The following TBC1D4 variants were observed in gnomAD, a reference collection of about 807,000 sequenced individuals.
The protein encoded by TBC1D4 is TBC1 domain family member 4, also known as TBC (Tre-2, BUB2, CDC16) domain-containing protein.
In TBC1D4, 121 loss-of-function variants were observed where a neutral mutation model predicts 142.5. The ratio of observed to expected loss-of-function variants is 0.85; its 90% CI spans 0.73 to 0.99. The LOEUF is 0.99. Among genes scored for constraint, TBC1D4 ranks in the 50% least tolerant of loss-of-function variants. The pLI is 0.00. For missense variants in TBC1D4, 1,475 were observed against 1,606.6 expected (o/e 0.92, Z 1.40); for synonymous variants, 630 against 628.2 (o/e 1.00, Z -0.04).
chr13:75,327,975 T>C lies in TBC1D4; in HGVS notation c.1732-149A>G, dbSNP rs1221233731. ...AATTTGTTGGCTTTATTAATAGTCATTACAGCACAGTAAAAATAACTATTT... is the reference window on the plus strand; with the variant it reads ...AATTTGTTGGCTTTATTAATAGTCACTACAGCACAGTAAAAATAACTATTT... On this transcript the variant is annotated intron_variant, in intron 8 of 20. Coordinates refer to ENST00000377636, the MANE Select transcript of TBC1D4 (RefSeq NM_014832.5). 6 of 734,446 alleles carry C rather than the reference T, an allele frequency of 8.2e-6. No individual in the cohort carries two copies. In the Admixed American group the frequency reaches 1.3e-4, roughly 16 times the overall value. The allele number at this position is 734,446 out of a possible 1,614,324, so 45.5% of individuals were successfully genotyped here. A position where few individuals can be genotyped will look rare whatever the true frequency, so the allele number is the denominator to read the frequency against.
intron 1 of TBC1D4, among the ~76,000 whole-genome samples, chr13:75,447,526 G>GTGTGTC (rs1321328808): frequency 2.0e-4 from 30 of 151,530 alleles, no homozygotes; most frequent in Non-Finnish European, 3.4e-4. Context: ...GTGTGTGTGT[G>GTGTGTC]TGTGTGTGTA....
At chr13:75,330,830 G>A (rs1396894072) in intron 8 of TBC1D4, among the ~76,000 whole-genome samples, 4 of 152,156 alleles carry the variant, frequency 2.6e-5, no homozygotes, top group African/African-American at 9.7e-5. Context: ...AACTCTATTT[G>A]TGGCTAATAA....
chr13:75,400,860 C>T (rs993455763), intron 1 of TBC1D4, among the ~76,000 whole-genome samples: 2 of 152,096 alleles, frequency 1.3e-5, no homozygotes, highest in East Asian at 1.9e-4. Flanking sequence ...CATATAGCAT[C>T]GATCAGTTCT....
At chr13:75,297,129 C>A (rs1198730235) in intron 17 of TBC1D4, among the ~76,000 whole-genome samples, 1 of 152,206 alleles carries the variant, frequency 6.6e-6, no homozygotes, top group Admixed American at 6.5e-5. Context: ...CGGCCTACAG[C>A]AATGCTGTCA....
chr13:75,310,838 T>C (rs1307037130), intron 13 of TBC1D4, among the ~76,000 whole-genome samples: 1 of 152,178 alleles, frequency 6.6e-6, no homozygotes, highest in Non-Finnish European at 1.5e-5. Flanking sequence ...GTGTCTAATG[T>C]TCCCTTCTTT....
chr13:75,308,967 C>T (rs1396785345), intron 14 of TBC1D4, among the ~76,000 whole-genome samples: 1 of 152,038 alleles, frequency 6.6e-6, no homozygotes, highest in Non-Finnish European at 1.5e-5. Context: ...TAACAAGAAT[C>T]TTAAGGTAGA....
chr13:75,481,159 C>A (rs1888848569), intron 1 of TBC1D4, 111 bp downstream of exon 1: 5 of 1,440,890 alleles, frequency 3.5e-6, no homozygotes, highest in Non-Finnish European at 4.6e-6. Context: ...AGCGCGCGCG[C>A]CTGCAGCCAA....
chr13:75,397,524 G>T (rs1179098137), intron 1 of TBC1D4, among the ~76,000 whole-genome samples: 1 of 152,208 alleles, frequency 6.6e-6, no homozygotes, highest in African/African-American at 2.4e-5. Flanking sequence ...TAATTATATT[G>T]TGTGGAGACG....
chr13:75,363,091 A>C (rs1882669942), intron 1 of TBC1D4, among the ~76,000 whole-genome samples: 1 of 152,198 alleles, frequency 6.6e-6, no homozygotes, highest in South Asian at 2.1e-4. Context: ...ACCTCTTAGA[A>C]TGGCTAAGAT....
chr13:75,459,355 T>A (rs1027191833), intron 1 of TBC1D4, among the ~76,000 whole-genome samples: 1 of 152,198 alleles, frequency 6.6e-6, no homozygotes, highest in Non-Finnish European at 1.5e-5. Flanking sequence ...CTTCTTTAGC[T>A]GTGTTTCTGA....
chr13:75,362,138 T>G lies in TBC1D4; in HGVS notation c.968A>C (p.Gln323Pro). 6.2e-7 allele frequency: 1 copy of G among 1,613,756 alleles called. No individual in the cohort carries two copies. Among genetic ancestry groups the G allele is most frequent in the Non-Finnish European group, 8.5e-7 (1 of 1,180,024 alleles). Residue 323 changes from glutamine to proline, a missense_variant, in exon 2 of 21, where the codon CAA becomes CCA. Around this residue, in one of 2 missense-constraint regions of TBC1D4, gnomAD observed 1,227 missense variants for 1,267.7 expected, o/e 0.97. Transcript: ENST00000377636. The surrounding 1 kb of genome is among the most constrained non-coding windows in gnomAD (Gnocchi z 4.2). ...CTGGCTGCCCTCGTGAACTCTCCGT[T>G]GCACGCCGGTGACACTGCTGCACCG... ...RSRCSSVTGVQRRVHEGSQKS... is the reference protein window; with the variant it reads ...RSRCSSVTGVPRRVHEGSQKS...
At chr13:75,448,232 G>A (rs1211252415) in intron 1 of TBC1D4, among the ~76,000 whole-genome samples, 3 of 152,088 alleles carry the variant, frequency 2.0e-5, no homozygotes, top group Admixed American at 1.3e-4. Flanking sequence ...TGAATGAGCT[G>A]GGACAGAGGT....
intron 1 of TBC1D4, among the ~76,000 whole-genome samples, chr13:75,387,382 G>A (rs1884240486): frequency 1.3e-5 from 2 of 152,172 alleles, no homozygotes; most frequent in African/African-American, 2.4e-5. Flanking sequence ...GAGGTTTGTG[G>A]CAATGCGAAA....
At chr13:75,367,666 G>A (rs974007806) in intron 1 of TBC1D4, among the ~76,000 whole-genome samples, 6 of 152,170 alleles carry the variant, frequency 3.9e-5, no homozygotes, top group Non-Finnish European at 7.3e-5. Flanking sequence ...GAAGTAATGC[G>A]TGGCTTTAGG....
intron 12 of TBC1D4, among the ~76,000 whole-genome samples, chr13:75,315,407 T>C (rs1243298356): frequency 5.9e-5 from 8 of 136,096 alleles, no homozygotes; most frequent in African/African-American, 8.2e-5. Flanking sequence ...TACACACATA[T>C]ATATATATAT....
chr13:75,404,071 C>T (rs1417741625), intron 1 of TBC1D4, among the ~76,000 whole-genome samples: 11 of 151,906 alleles, frequency 7.2e-5, no homozygotes, highest in Admixed American at 5.2e-4. Context: ...CATACACACA[C>T]ACACACACAC....
At chr13:75,348,921 G>A (rs1881361630) in intron 5 of TBC1D4, among the ~76,000 whole-genome samples, 1 of 150,174 alleles carries the variant, frequency 6.7e-6, no homozygotes, top group African/African-American at 2.5e-5. Context: ...AAATGAGAGA[G>A]AGAGAGAGGA....
chr13:75,433,900 A>G (rs1463296679), intron 1 of TBC1D4, among the ~76,000 whole-genome samples: 1 of 152,256 alleles, frequency 6.6e-6, no homozygotes, highest in Non-Finnish European at 1.5e-5. Context: ...GCCAACAAGC[A>G]TATGAAAAAA....
intron 1 of TBC1D4, among the ~76,000 whole-genome samples, chr13:75,453,296 A>T (rs1033286947): frequency 3.3e-5 from 5 of 152,086 alleles, no homozygotes; most frequent in Non-Finnish European, 7.4e-5. Context: ...GTTTCTGACC[A>T]TTCAAATTTC....
Sources: allele counts gnomAD v4.1 joint callset (sites outside exome capture counted in the v4.1 genomes callset), GRCh38; gene constraint gnomAD v4.1.1; regional missense constraint gnomAD v4.1.1; non-coding constraint Gnocchi (gnomAD v3.1); transcripts MANE v1.5; gene names NCBI Gene and HGNC (gene_info 2026-07-23, HGNC 2026-07-21).